Variants in FAM117B observed in about 807,000 individuals in gnomAD.
FAM117B encodes the protein family with sequence similarity 117 member B, also known as protein FAM117B.
In FAM117B, 22 loss-of-function variants were observed where a neutral mutation model predicts 52.8. That is an observed-to-expected ratio of 0.42 (90% CI 0.30 to 0.59). FAM117B has a LOEUF of 0.59. Ranked by LOEUF, FAM117B falls within the 20% of genes least tolerant of loss-of-function variation. The pLI is 0.22. For missense variants in FAM117B, 678 were observed against 802.6 expected (o/e 0.84, Z 1.88); for synonymous variants, 309 against 324.1 (o/e 0.95, Z 0.50).
chr2:202,695,845 AT>A (rs1476587265), intron 1 of FAM117B, 35 bp from the exon 2 acceptor site: 10 of 1,542,272 alleles, frequency 6.5e-6, no homozygotes, highest in Non-Finnish European at 8.8e-6. Context: ...TTCTTTCCTA[AT>A]TTTATTAAAA....
intron 4 of FAM117B, among the ~76,000 whole-genome samples, chr2:202,746,159 G>A (rs1574301972): frequency 6.6e-6 from 1 of 152,174 alleles, no homozygotes; most frequent in East Asian, 1.9e-4. Flanking sequence ...ACACATATCA[G>A]CACATGGAAC....
rs141100620 is a variant in FAM117B at position 202,648,991 on chromosome 2, C to T, written c.601+13203C>T. 2.8e-4 allele frequency among the ~76,000 whole-genome samples: 42 copies of T among 148,402 alleles called. No homozygotes were observed. In the East Asian group the frequency reaches 4.4e-3, roughly 16 times the overall value. On this transcript the variant is annotated intron_variant, in intron 1 of 7. Transcript: ENST00000392238. ...CTGGTCTCGAGCTCCTGACCTCGGG[C>T]GTTCTGCCCGCCTCAGCCTCAAAGT... is the stretch of plus-strand genomic sequence containing the variant.
intron 2 of FAM117B, among the ~76,000 whole-genome samples, chr2:202,710,163 C>T (rs1238947763): frequency 2.0e-5 from 3 of 152,076 alleles, no homozygotes; most frequent in African/African-American, 7.2e-5. Context: ...CATAAAAATG[C>T]CACTGGGATT....
At chr2:202,743,666 A>T (rs1447880429) in intron 4 of FAM117B, among the ~76,000 whole-genome samples, 2 of 152,204 alleles carry the variant, frequency 1.3e-5, no homozygotes, top group Non-Finnish European at 2.9e-5. Flanking sequence ...TATTTGAATG[A>T]GTAATTGAAT....
chr2:202,641,535 A>C (rs1689769509), intron 1 of FAM117B, among the ~76,000 whole-genome samples: 1 of 152,184 alleles, frequency 6.6e-6, no homozygotes, highest in South Asian at 2.1e-4. Flanking sequence ...TTTACTTGTA[A>C]AAAGGGGATA....
At chr2:202,671,737 T>C (rs752885956) in intron 1 of FAM117B, among the ~76,000 whole-genome samples, 6 of 152,252 alleles carry the variant, frequency 3.9e-5, no homozygotes, top group Non-Finnish European at 8.8e-5. Context: ...TGTAAGTACC[T>C]ACCCTAACCA....
At chr2:202,679,795 T>TA (rs371713556) in intron 1 of FAM117B, among the ~76,000 whole-genome samples, 1 of 152,098 alleles carries the variant, frequency 6.6e-6, no homozygotes, top group African/African-American at 2.4e-5. Context: ...TCCCGATACT[T>TA]AAAAACATGA....
chr2:202,696,180 G>A, intron 2 of FAM117B, 148 bp downstream of exon 2: 1 of 847,302 alleles, frequency 1.2e-6, no homozygotes, highest in Non-Finnish European at 1.7e-6. Context: ...TTCCAAGCCT[G>A]ACCTCCAGGT....
chr2:202,736,974 C>T (rs1288578745), intron 4 of FAM117B, among the ~76,000 whole-genome samples: 2 of 151,978 alleles, frequency 1.3e-5, no homozygotes, highest in Admixed American at 6.6e-5. Flanking sequence ...ACCAGTGTAC[C>T]ACAGATGAGC....
intron 2 of FAM117B, among the ~76,000 whole-genome samples, chr2:202,711,471 A>G (rs957036682): frequency 1.3e-5 from 2 of 152,068 alleles, no homozygotes; most frequent in South Asian, 2.1e-4. Flanking sequence ...ATAATTTGCA[A>G]ATATTTTCTC....
At chr2:202,680,101 T>C (rs1364402018) in intron 1 of FAM117B, among the ~76,000 whole-genome samples, 2 of 152,186 alleles carry the variant, frequency 1.3e-5, no homozygotes, top group African/African-American at 4.8e-5. Flanking sequence ...CAGTTTCTTA[T>C]CTGATGAGAA....
At chr2:202,656,153 A>G (rs1017495106) in intron 1 of FAM117B, among the ~76,000 whole-genome samples, 3 of 152,090 alleles carry the variant, frequency 2.0e-5, no homozygotes, top group Non-Finnish European at 2.9e-5. Context: ...TATTATTTTT[A>G]TAGGTCTTGT....
At chr2:202,706,207 G>A (rs1487151984) in intron 2 of FAM117B, among the ~76,000 whole-genome samples, 1 of 151,932 alleles carries the variant, frequency 6.6e-6, no homozygotes, top group Non-Finnish European at 1.5e-5. Flanking sequence ...TGTTTCTTTG[G>A]TTTGGTTTCT....
chr2:202,656,438 T>C (rs1298735095), intron 1 of FAM117B, among the ~76,000 whole-genome samples: 3 of 152,236 alleles, frequency 2.0e-5, no homozygotes, highest in African/African-American at 7.2e-5. Flanking sequence ...TATTTTCTAG[T>C]TTTCCTTGAG....
intron 1 of FAM117B, among the ~76,000 whole-genome samples, chr2:202,694,606 A>T (rs571924364): frequency 1.3e-5 from 2 of 152,150 alleles, no homozygotes; most frequent in African/African-American, 4.8e-5. Context: ...TTTACATTGG[A>T]TGTCTTATAA....
chr2:202,694,410 C>T (rs1013106068), intron 1 of FAM117B, among the ~76,000 whole-genome samples: 4 of 151,758 alleles, frequency 2.6e-5, no homozygotes, highest in African/African-American at 7.3e-5. Context: ...AGGGTGGTCT[C>T]GAACTTCTGA....
At chr2:202,700,856 T>C (rs1192191305) in intron 2 of FAM117B, among the ~76,000 whole-genome samples, 1 of 152,080 alleles carries the variant, frequency 6.6e-6, no homozygotes, top group African/African-American at 2.4e-5. Context: ...GACATGCTTG[T>C]ATTTTTTCTT....
chr2:202,731,992 C>T (rs1420238220), intron 4 of FAM117B, among the ~76,000 whole-genome samples: 3 of 150,940 alleles, frequency 2.0e-5, no homozygotes, highest in African/African-American at 7.3e-5. Flanking sequence ...GCCTCGGCCT[C>T]CCAAAGTACT....
At chr2:202,658,692 T>C (rs1369118474) in intron 1 of FAM117B, among the ~76,000 whole-genome samples, 2 of 152,196 alleles carry the variant, frequency 1.3e-5, no homozygotes, top group East Asian at 1.9e-4. Context: ...ATGTAGTTTG[T>C]TGTCTTCTGT....
Sources: allele counts gnomAD v4.1 joint callset (sites outside exome capture counted in the v4.1 genomes callset), GRCh38; gene constraint gnomAD v4.1.1; transcripts MANE v1.5; gene names NCBI Gene and HGNC (gene_info 2026-07-23, HGNC 2026-07-21).